GAP43: variants seen among roughly 807,000 people sequenced by gnomAD.
GAP43 encodes the protein growth associated protein 43.
GAP43 carries 6 observed loss-of-function variants against 18.6 expected under a neutral mutation model. The observed-to-expected ratio is 0.32, with a 90% CI of 0.18 to 0.64. The LOEUF (loss-of-function observed/expected upper bound fraction) is 0.64, where lower values mean the gene tolerates loss of function less well. Among genes scored for constraint, GAP43 ranks in the 30% least tolerant of loss-of-function variants. GAP43 has a pLI of 0.78. For synonymous variants in GAP43, 115 were observed against 111.4 expected (o/e 1.03, Z -0.20); for missense variants, 292 against 295.5 (o/e 0.99, Z 0.09).
chr3:115,687,985 GGTTACTA>G (rs2107356382), intron 2 of GAP43, among the ~76,000 whole-genome samples: 1 of 149,992 alleles, frequency 6.7e-6, no homozygotes, highest in African/African-American at 2.5e-5. Context: ...ACTCACCCAG[GGTTACTA>G]ACGAAATTTT....
At chr3:115,686,944 A>C (rs1709042899) in intron 2 of GAP43, among the ~76,000 whole-genome samples, 2 of 152,206 alleles carry the variant, frequency 1.3e-5, no homozygotes, top group Admixed American at 1.3e-4. Flanking sequence ...ACAGAGGTAG[A>C]ATCAGATGAG....
intron 2 of GAP43, among the ~76,000 whole-genome samples, chr3:115,679,210 G>C (rs1029331036): frequency 2.0e-5 from 3 of 151,838 alleles, no homozygotes; most frequent in Non-Finnish European, 4.4e-5. Flanking sequence ...GGGAAAAATA[G>C]GTACAAAGAG....
intron 1 of GAP43, among the ~76,000 whole-genome samples, chr3:115,671,810 C>T (rs1046010534): frequency 6.6e-6 from 1 of 152,150 alleles, no homozygotes; most frequent in African/African-American, 2.4e-5. Flanking sequence ...AGCAGGATTC[C>T]TTTTCTGGAC....
intron 2 of GAP43, among the ~76,000 whole-genome samples, chr3:115,690,967 G>A (rs1709104440): frequency 6.6e-6 from 1 of 151,740 alleles, no homozygotes; most frequent in Non-Finnish European, 1.5e-5. Context: ...ATGTTAGCTA[G>A]GATGGTCTCA....
chr3:115,631,250 G>A (rs1050348735), intron 1 of GAP43, among the ~76,000 whole-genome samples: 1 of 152,084 alleles, frequency 6.6e-6, no homozygotes, highest in South Asian at 2.1e-4. Flanking sequence ...TCTTTGTAGT[G>A]GAATAAATCC....
chr3:115,688,566 C>T (rs568916493), intron 2 of GAP43, among the ~76,000 whole-genome samples: 119 of 152,184 alleles, frequency 7.8e-4, no homozygotes, highest in Non-Finnish European at 1.2e-3. Flanking sequence ...CTTTCTTTCT[C>T]CCACTCCTTA....
intron 2 of GAP43, among the ~76,000 whole-genome samples, chr3:115,695,542 G>A (rs1392657439): frequency 2.6e-5 from 4 of 152,106 alleles, no homozygotes; most frequent in South Asian, 4.1e-4. Flanking sequence ...GAACTCCCCC[G>A]TTTATAGATG....
At chr3:115,697,644 C>G (rs554828340) in intron 2 of GAP43, among the ~76,000 whole-genome samples, 3 of 152,218 alleles carry the variant, frequency 2.0e-5, no homozygotes, top group Admixed American at 1.3e-4. Flanking sequence ...GCTCTAAAAG[C>G]AGAGAACCAT....
chr3:115,713,156 T>G (rs1709462928), intron 2 of GAP43, among the ~76,000 whole-genome samples: 1 of 152,192 alleles, frequency 6.6e-6, no homozygotes, highest in African/African-American at 2.4e-5. Flanking sequence ...ATATGTGAGT[T>G]AGCTGCCAAA....
chr3:115,700,074 G>A (rs1287743642), intron 2 of GAP43, among the ~76,000 whole-genome samples: 1 of 152,186 alleles, frequency 6.6e-6, no homozygotes, highest in African/African-American at 2.4e-5. Flanking sequence ...TCAAGAAAGA[G>A]AAAAGCAGCT....
At chr3:115,699,812 A>G (rs1344103577) in intron 2 of GAP43, among the ~76,000 whole-genome samples, 2 of 152,188 alleles carry the variant, frequency 1.3e-5, no homozygotes, top group South Asian at 2.1e-4. Context: ...TGGGAGTCAT[A>G]TGCATCTTTA....
At chr3:115,655,689 TTAGTAAATGTGA>T (rs1708571097) in intron 1 of GAP43, among the ~76,000 whole-genome samples, 1 of 152,200 alleles carries the variant, frequency 6.6e-6, no homozygotes, top group Admixed American at 6.5e-5. Context: ...ATTTCATAAC[TTAGTAAATGTGA>T]TAAAACACTG....
At chr3:115,683,571 A>G (rs1174282657) in intron 2 of GAP43, among the ~76,000 whole-genome samples, 1 of 149,410 alleles carries the variant, frequency 6.7e-6, no homozygotes, top group African/African-American at 2.5e-5. Context: ...TACAGTGGCT[A>G]TAGCCTATAG....
chr3:115,624,142 CCTCT>C (rs1708152982), intron 1 of GAP43, among the ~76,000 whole-genome samples: 2 of 151,956 alleles, frequency 1.3e-5, no homozygotes, highest in African/African-American at 4.8e-5. Flanking sequence ...CTGAGTATTG[CCTCT>C]CTGTCATACA....
intron 2 of GAP43, among the ~76,000 whole-genome samples, chr3:115,688,500 A>G (rs1458500439): frequency 6.6e-6 from 1 of 152,176 alleles, no homozygotes; most frequent in Non-Finnish European, 1.5e-5. Flanking sequence ...CAAAAATAAG[A>G]TTTCTAGAAG....
At chr3:115,635,326 GT>G (rs1170664979) in intron 1 of GAP43, among the ~76,000 whole-genome samples, 6 of 152,080 alleles carry the variant, frequency 3.9e-5, no homozygotes, top group African/African-American at 1.4e-4. Flanking sequence ...ACACAAGGTG[GT>G]AGCTTTTTGA....
chr3:115,711,295 A>T (rs1416257420), intron 2 of GAP43, among the ~76,000 whole-genome samples: 1 of 152,152 alleles, frequency 6.6e-6, no homozygotes, highest in East Asian at 1.9e-4. Flanking sequence ...AATAGTCCTT[A>T]TTTCAAAAAG....
intron 1 of GAP43, among the ~76,000 whole-genome samples, chr3:115,634,260 A>G (rs1559788392): frequency 6.6e-6 from 1 of 152,182 alleles, no homozygotes; most frequent in Non-Finnish European, 1.5e-5. Context: ...AGTCAGCATA[A>G]CTAGGCTTGA....
intron 2 of GAP43, among the ~76,000 whole-genome samples, chr3:115,683,846 A>G (rs1708997923): frequency 6.6e-6 from 1 of 152,176 alleles, no homozygotes. Context: ...TTAAAACTCT[A>G]CATTCACAGT....
Sources: allele counts gnomAD v4.1 joint callset (sites outside exome capture counted in the v4.1 genomes callset), GRCh38; gene constraint gnomAD v4.1.1; transcripts MANE v1.5; gene names NCBI Gene and HGNC (gene_info 2026-07-23, HGNC 2026-07-21).